The following ATP1B2 variants were observed in gnomAD, a reference collection of about 807,000 sequenced individuals.
ATP1B2 encodes sodium/potassium-transporting ATPase subunit beta-2.
In ATP1B2, 12 loss-of-function variants were observed where a neutral mutation model predicts 37.3. The observed-to-expected ratio is 0.32, with a 90% CI of 0.21 to 0.52. The LOEUF (loss-of-function observed/expected upper bound fraction) is 0.52, where lower values mean the gene tolerates loss of function less well. ATP1B2 is among the 20% of genes least tolerant of loss of function. The pLI, the probability that ATP1B2 is intolerant of heterozygous loss-of-function variation, is 0.96. For missense variants in ATP1B2, 324 were observed against 391.6 expected, an observed-to-expected ratio of 0.83 and a Z score of 1.46; for synonymous variants, 139 against 140.5, an observed-to-expected ratio of 0.99 and a Z score of 0.07.
In ATP1B2 at chr17:7,654,444, GT is replaced by G. The variant is rs200283606; in HGVS notation, c.553-174del. On this transcript the variant is annotated intron_variant, in intron 4 of 6. Coordinates refer to ENST00000250111, the MANE Select transcript of ATP1B2 (RefSeq NM_001678.5). This position sits in a 1 kb window ranked among gnomAD's most constrained non-coding sequence, Gnocchi z 4.9. ...GCAGTTAGAAGGCTGGATGCCTTTT[GT>G]TTTTTTTTTAGACAGGGTCTTGCTA... 3.4e-5 allele frequency among the ~76,000 whole-genome samples: 5 copies of G among 148,344 alleles called. No homozygotes were observed. Among genetic ancestry groups the G allele is most frequent in the Non-Finnish European group, 6.0e-5 (4 of 66,612 alleles).
intron 1 of ATP1B2, among the ~76,000 whole-genome samples, chr17:7,652,635 T>C (rs1350564885): frequency 6.6e-6 from 1 of 152,060 alleles, no homozygotes; most frequent in East Asian, 1.9e-4. Context: ...GGAAGAAGTG[T>C]CCTCTGAGAT....
upstream of ATP1B2, among the ~76,000 whole-genome samples, chr17:7,647,289 C>T (rs2072581044): frequency 6.6e-6 from 1 of 152,108 alleles, no homozygotes; most frequent in Admixed American, 6.6e-5. Context: ...ACGCTGGCAA[C>T]AATGACATAG....
At position 7,653,972 on chromosome 17, in the gene ATP1B2, G is replaced by A. The variant is rs576295919; in HGVS notation, c.346+27G>A. The A allele has an allele frequency of 5.3e-4, 847 of 1,609,642 alleles. 5 individuals carry two copies. The South Asian group carries it at 8.8e-3, about 17-fold the overall frequency. ...TGAGTGTGGGCCTGGTTATGTGTCA[G>A]TTCAAGACTTCGGGCAGGGGACTGG... On this transcript the variant is annotated intron_variant, in intron 3 of 6. Transcript: ENST00000250111.
intron 1 of ATP1B2, 103 bp from the exon 2 acceptor site, chr17:7,653,271 C>G: frequency 6.6e-7 from 1 of 1,506,676 alleles, no homozygotes; most frequent in Non-Finnish European, 9.0e-7. Flanking sequence ...GCTCTGTGAT[C>G]AGTCCCAGTG....
In ATP1B2 at chr17:7,657,414, A is replaced by G. The variant is rs780858383; in HGVS notation, c.*1519A>G. ...AACAAAAACAAAAACAAAAAAACCC[A>G]TAATGCCCACAGAATGTCAAATGAG... On this transcript the variant is annotated 3_prime_UTR_variant, in exon 7 of 7. Transcript: ENST00000250111. 2.0e-5 allele frequency: 3 copies of G among 152,200 alleles called. No individual in the cohort carries two copies. The East Asian group carries it at 5.8e-4, about 29-fold the overall frequency. The allele number at this position is 152,200 out of a possible 1,614,324, so 9.4% of individuals were successfully genotyped here. A position where few individuals can be genotyped will look rare whatever the true frequency, so the allele number is the denominator to read the frequency against.
At chr17:7,647,473 T>A (rs1891162333), upstream of ATP1B2, among the ~76,000 whole-genome samples, 1 of 151,992 alleles carries the variant, frequency 6.6e-6, no homozygotes, top group African/African-American at 2.4e-5. Flanking sequence ...ACCAGCCTCG[T>A]CAACACAGAG....
chr17:7,650,022 A>G (rs1279862895), upstream of ATP1B2, among the ~76,000 whole-genome samples: 1 of 152,176 alleles, frequency 6.6e-6, no homozygotes, highest in Non-Finnish European at 1.5e-5. Context: ...TGTGGTATGT[A>G]GAGCAAGTGT....
upstream of ATP1B2, among the ~76,000 whole-genome samples, chr17:7,649,982 G>A (rs185156974): frequency 1.9e-3 from 282 of 152,280 alleles, 1 homozygote; most frequent in African/African-American, 6.4e-3. Flanking sequence ...ATAAGCCACC[G>A]TGCCCGGCTT....
At chr17:7,647,111 A>AG (rs1318377122), upstream of ATP1B2, among the ~76,000 whole-genome samples, 1 of 151,754 alleles carries the variant, frequency 6.6e-6, no homozygotes, top group Non-Finnish European at 1.5e-5. Flanking sequence ...AAAAAAAAAA[A>AG]AAAAAAAAAG....
Position 7,655,459 on chromosome 17 carries a change from G to A in ATP1B2, c.610-68G>A, listed in dbSNP as rs2072643381. 6.9e-7 allele frequency: 1 copy of A among 1,459,214 alleles called. No homozygotes were observed. The highest frequency in any genetic ancestry group is 2.3e-5 in the East Asian group (1 of 44,118). The allele number at this position is 1,459,214 out of a possible 1,614,324, so 90.4% of individuals were successfully genotyped here. On this transcript the variant is annotated intron_variant, in intron 5 of 6. Transcript: ENST00000250111. This position sits in a 1 kb window ranked among gnomAD's most constrained non-coding sequence, Gnocchi z 4.4. Reference sequence around the variant, plus strand: ...AGGAAGAACAAAAGAACAAATGGAAGTCTGGTGAGCTCCTGGGTGCCTGCC... The same window carrying A: ...AGGAAGAACAAAAGAACAAATGGAAATCTGGTGAGCTCCTGGGTGCCTGCC...
At position 7,653,929 on chromosome 17, in the gene ATP1B2, C is replaced by T. The variant is rs1409301508; in HGVS notation, c.330C>T (p.Leu110=). Residue 110 remains leucine, a synonymous_variant, in exon 3 of 7, where the codon CTC becomes CTT. Coordinates refer to ENST00000250111, the MANE Select transcript of ATP1B2 (RefSeq NM_001678.5). ...GCTGGGACCAGCATGTTCAGAAGCT[C>T]AACAAGTTCTTGGAGCGTGAGTGTG... is the stretch of plus-strand genomic sequence containing the variant. ...TESWDQHVQK[L]NKFLEPYNDS... is the part of the protein sequence containing the mutation. 1.2e-5 allele frequency: 19 copies of T among 1,614,112 alleles called. No homozygotes were observed. Among genetic ancestry groups the T allele is most frequent in the Non-Finnish European group, 1.5e-5 (18 of 1,180,012 alleles).
At position 7,654,462 on chromosome 17, in the gene ATP1B2, G is replaced by A. The variant is rs1286030394; in HGVS notation, c.553-166G>A. On this transcript the variant is annotated intron_variant, in intron 4 of 6. Coordinates refer to ENST00000250111, the MANE Select transcript of ATP1B2 (RefSeq NM_001678.5). This position sits in a 1 kb window ranked among gnomAD's most constrained non-coding sequence, Gnocchi z 4.9. ...GCCTTTTGTTTTTTTTTTAGACAGG[G>A]TCTTGCTATGTTGCCCAGGCTGGCC... Among the ~76,000 whole-genome samples, 1 of 152,032 alleles carries A rather than the reference G, an allele frequency of 6.6e-6. No individual in the cohort carries two copies. The highest frequency in any genetic ancestry group is 1.9e-4 in the East Asian group (1 of 5,194).
upstream of ATP1B2, among the ~76,000 whole-genome samples, chr17:7,648,866 A>G (rs1482686957): frequency 6.6e-6 from 1 of 152,020 alleles, no homozygotes; most frequent in African/African-American, 2.4e-5. Context: ...ATCCACACCC[A>G]TGCTGTGTCC....
rs760633125 is a variant in ATP1B2, at chr17:7,651,539, G to A, written c.21G>A (p.Lys7=). The change falls in exon 1 of 7, where the codon AAG becomes AAA. Residue 7 remains lysine (K), a synonymous_variant. Transcript: ENST00000250111. MVIQKE[K]KSCGQVVEEW... ...CCAAGATGGTCATCCAGAAAGAGAA[G>A]AAGAGCTGCGGGCAGGTGGTTGAGG... 1 of 1,604,654 alleles carries A rather than the reference G, an allele frequency of 6.2e-7. No homozygotes were observed.
rs2072643365 is a variant in ATP1B2, at chr17:7,655,454, TG to T, written c.610-71del. 1 of 1,425,430 alleles carries T rather than the reference TG, an allele frequency of 7.0e-7. No individual in the cohort carries two copies. Among genetic ancestry groups the T allele is most frequent in the African/African-American group, 1.4e-5 (1 of 70,964 alleles). The allele number at this position is 1,425,430 out of a possible 1,614,324, so 88.3% of individuals were successfully genotyped here. On this transcript the variant is annotated intron_variant, in intron 5 of 6. Transcript: ENST00000250111. This position sits in a 1 kb window ranked among gnomAD's most constrained non-coding sequence, Gnocchi z 4.4. ...GGCGAAGGAAGAACAAAAGAACAAA[TG>T]GAAGTCTGGTGAGCTCCTGGGTGCC...
chr17:7,648,286 A>G (rs2072587119), upstream of ATP1B2, among the ~76,000 whole-genome samples: 1 of 151,840 alleles, frequency 6.6e-6, no homozygotes, highest in Non-Finnish European at 1.5e-5. Flanking sequence ...GATGAAAGGA[A>G]AATAGTTTAG....
rs2072632779 is a variant in ATP1B2, at chr17:7,654,084, G to T, written c.379G>T (p.Asp127Tyr). ...CGACTCTATCCAAGCCCAAAAGAAT[G>T]ATGTCTGCCGCCCTGGACGCTATTA... ...YNDSIQAQKN[D>Y]VCRPGRYYEQ... Residue 127 changes from aspartate to tyrosine, a missense_variant, in exon 4 of 7, where the codon GAT becomes TAT. By Grantham distance (160) the Asp-to-Tyr change is radical. Transcript: ENST00000250111. The surrounding 1 kb of genome is among the most constrained non-coding windows in gnomAD (Gnocchi z 4.9). The T allele has an allele frequency of 3.1e-6, 5 of 1,614,196 alleles. No individual in the cohort carries two copies. Among genetic ancestry groups the T allele is most frequent in the Non-Finnish European group, 3.4e-6 (4 of 1,180,044 alleles).
At chr17:7,646,864 G>T (rs2072578785), upstream of ATP1B2, among the ~76,000 whole-genome samples, 1 of 152,096 alleles carries the variant, frequency 6.6e-6, no homozygotes, top group Non-Finnish European at 1.5e-5. Flanking sequence ...GATCCCTTGA[G>T]CCCAGGAGTT....
rs200903956 is a variant in ATP1B2 at position 7,655,688 on chromosome 17, G to A, written c.709-43G>A. 2.0e-5 allele frequency: 33 copies of A among 1,613,818 alleles called. No homozygotes were observed. The highest frequency in any genetic ancestry group is 1.8e-4 in the East Asian group (8 of 44,872). On this transcript the variant is annotated intron_variant, in intron 6 of 6. Coordinates refer to ENST00000250111, the MANE Select transcript of ATP1B2 (RefSeq NM_001678.5). This position sits in a 1 kb window ranked among gnomAD's most constrained non-coding sequence, Gnocchi z 4.4. ...GGGTGGTGAGCTAGGGAAGGAGGCC[G>A]CGTTGCCCCAGGCCTAGACCCTGCA...
Sources: allele counts gnomAD v4.1 joint callset (sites outside exome capture counted in the v4.1 genomes callset), GRCh38; gene constraint gnomAD v4.1.1; non-coding constraint Gnocchi (gnomAD v3.1); transcripts MANE v1.5; gene names NCBI Gene and HGNC (gene_info 2026-07-23, HGNC 2026-07-21).